The following SLC9A9 variants were observed in gnomAD, a reference collection of about 807,000 sequenced individuals.
SLC9A9 encodes the protein solute carrier family 9 member A9, also known as sodium/hydrogen exchanger 9.
In SLC9A9, 62 loss-of-function variants were observed where a neutral mutation model predicts 77.8. That is an observed-to-expected ratio of 0.80 (90% CI 0.65 to 0.98). The LOEUF (loss-of-function observed/expected upper bound fraction) is 0.98. Ranked by LOEUF, SLC9A9 falls within the 50% of genes least tolerant of loss-of-function variation. The pLI is 0.00. For synonymous variants in SLC9A9, 320 were observed against 283.5 expected (o/e 1.13, Z -1.29); for missense variants, 775 against 774.9 (o/e 1.00, Z 0.00).
At chr3:143,502,614 G>T (rs1372902258) in intron 9 of SLC9A9, among the ~76,000 whole-genome samples, 1 of 151,766 alleles carries the variant, frequency 6.6e-6, no homozygotes, top group African/African-American at 2.4e-5. Context: ...AATATACCTG[G>T]CTAATACTAA....
intron 4 of SLC9A9, among the ~76,000 whole-genome samples, chr3:143,753,046 A>C (rs2006794270): frequency 1.3e-5 from 2 of 152,216 alleles, no homozygotes; most frequent in Admixed American, 6.5e-5. Flanking sequence ...GCCAATGAAA[A>C]GATTAAAATC....
intron 8 of SLC9A9, among the ~76,000 whole-genome samples, chr3:143,559,883 G>C (rs2037051559): frequency 6.6e-6 from 1 of 152,134 alleles, no homozygotes; most frequent in Non-Finnish European, 1.5e-5. Context: ...AGTGAGTTCG[G>C]ATGACTCTGC....
intron 14 of SLC9A9, among the ~76,000 whole-genome samples, chr3:143,309,867 A>AG (rs1246902488): frequency 2.6e-5 from 4 of 152,094 alleles, no homozygotes; most frequent in African/African-American, 9.7e-5. Context: ...TGAGAGTGAG[A>AG]GGGAAAAAAA....
chr3:143,339,728 C>A (rs1272383652), intron 14 of SLC9A9, among the ~76,000 whole-genome samples: 1 of 152,144 alleles, frequency 6.6e-6, no homozygotes, highest in Non-Finnish European at 1.5e-5. Flanking sequence ...TCAATAATCA[C>A]GTCTACTCTG....
chr3:143,311,778 G>A (rs73868773), intron 14 of SLC9A9, among the ~76,000 whole-genome samples: 20,736 of 152,140 alleles, frequency 0.14, 2,316 homozygotes, highest in African/African-American at 0.3. Context: ...TTTTGTCTCT[G>A]TGTGTGATTC....
intron 6 of SLC9A9, among the ~76,000 whole-genome samples, chr3:143,610,596 AG>A (rs988023163): frequency 5.9e-5 from 9 of 152,158 alleles, no homozygotes; most frequent in African/African-American, 1.9e-4. Flanking sequence ...TAAACCAAAA[AG>A]GTTCTGGACT....
At chr3:143,330,821 C>T (rs570940319) in intron 14 of SLC9A9, among the ~76,000 whole-genome samples, 2 of 152,292 alleles carry the variant, frequency 1.3e-5, no homozygotes, top group East Asian at 3.9e-4. Context: ...TTTTGGATGC[C>T]CGCAGAACAT....
chr3:143,466,341 A>G (rs1325304763), intron 12 of SLC9A9, among the ~76,000 whole-genome samples: 2 of 152,262 alleles, frequency 1.3e-5, no homozygotes, highest in Admixed American at 1.3e-4. Context: ...TCACAAGAAC[A>G]TTAAACAAAG....
chr3:143,822,626 A>G (rs548424643), intron 2 of SLC9A9, among the ~76,000 whole-genome samples: 24 of 152,308 alleles, frequency 1.6e-4, no homozygotes, highest in Middle Eastern at 3.4e-3. Context: ...ACCTCAGGAG[A>G]GAACAGGGAA....
chr3:143,716,469 G>A (rs1934356292), intron 4 of SLC9A9, among the ~76,000 whole-genome samples: 1 of 151,936 alleles, frequency 6.6e-6, no homozygotes, highest in African/African-American at 2.4e-5. Context: ...TCAAAGAAGA[G>A]ATGAGTTAGA....
chr3:143,373,084 TA>T (rs71637066), intron 13 of SLC9A9, among the ~76,000 whole-genome samples: 94,318 of 151,562 alleles, frequency 0.62, 29,541 homozygotes, highest in African/African-American at 0.65. Context: ...TTACCATTAG[TA>T]AATTCCACTA....
intron 4 of SLC9A9, among the ~76,000 whole-genome samples, chr3:143,725,267 A>G (rs545896950): frequency 2.6e-5 from 4 of 152,270 alleles, no homozygotes; most frequent in South Asian, 4.1e-4. Context: ...GAGAAATAGG[A>G]ACACTTTTAC....
At chr3:143,436,787 G>A (rs2034629293) in intron 12 of SLC9A9, among the ~76,000 whole-genome samples, 1 of 152,216 alleles carries the variant, frequency 6.6e-6, no homozygotes, top group Non-Finnish European at 1.5e-5. Context: ...ACAGGGAAAT[G>A]AGTGTCCTCA....
At chr3:143,292,722 A>G (rs1010325161) in intron 14 of SLC9A9, among the ~76,000 whole-genome samples, 1 of 152,130 alleles carries the variant, frequency 6.6e-6, no homozygotes, top group Non-Finnish European at 1.5e-5. Context: ...ACTCTCTAAG[A>G]TGGGCTCACA....
rs532583385 is a variant in SLC9A9 at position 143,631,060 on chromosome 3, T to C, written c.755+21195A>G. On this transcript the variant is annotated intron_variant, in intron 6 of 15. Coordinates refer to ENST00000316549, the MANE Select transcript of SLC9A9 (RefSeq NM_173653.4). ...TGATAAAAATATTAAACAGGATAAG[T>C]CCTTAAATAGAGCTCTCTGCAAAGC... Among the ~76,000 whole-genome samples the C allele has an allele frequency of 2.0e-4, 30 of 152,266 alleles. No individual in the cohort carries two copies. In the East Asian group the frequency reaches 5.0e-3, roughly 25 times the overall value.
intron 14 of SLC9A9, among the ~76,000 whole-genome samples, chr3:143,360,782 A>G (rs1374477813): frequency 6.6e-6 from 1 of 152,208 alleles, no homozygotes; most frequent in Non-Finnish European, 1.5e-5. Flanking sequence ...TTGAATATAA[A>G]TTCAGTGATG....
intron 14 of SLC9A9, among the ~76,000 whole-genome samples, chr3:143,299,600 C>T (rs939177423): frequency 6.6e-6 from 1 of 152,124 alleles, no homozygotes; most frequent in Non-Finnish European, 1.5e-5. Flanking sequence ...CCTGCCACCT[C>T]ATCTGGCTAA....
At chr3:143,500,814 T>C (rs1489190011) in intron 9 of SLC9A9, among the ~76,000 whole-genome samples, 2 of 151,084 alleles carry the variant, frequency 1.3e-5, no homozygotes, top group Non-Finnish European at 2.9e-5. Context: ...CACAATTTTA[T>C]GGTATTTATA....
intron 14 of SLC9A9, among the ~76,000 whole-genome samples, chr3:143,351,860 A>G (rs1234669393): frequency 2.0e-5 from 3 of 152,066 alleles, no homozygotes; most frequent in Non-Finnish European, 4.4e-5. Flanking sequence ...GTGCCTGTAC[A>G]ATTACCAATT....
Sources: gnomAD v4.1 joint callset for allele counts (sites outside exome capture counted in the v4.1 genomes callset) on GRCh38, gnomAD v4.1.1 for gene constraint, MANE v1.5 for transcripts, NCBI Gene and HGNC (gene_info 2026-07-23, HGNC 2026-07-21) for gene names.